The following TERB1 variants were observed in gnomAD, a reference collection of about 807,000 sequenced individuals.
The protein encoded by TERB1 is telomere repeat binding bouquet formation protein 1.
A neutral mutation model predicts 92.3 loss-of-function variants in TERB1; 63 were observed. The ratio of observed to expected loss-of-function variants is 0.68; its 90% confidence interval spans 0.56 to 0.84. The LOEUF is 0.84. Ranked by LOEUF, TERB1 falls within the 40% of genes least tolerant of loss-of-function variation. The pLI is 0.00. For missense variants in TERB1, 709 were observed against 843.7 expected (o/e 0.84, Z 1.98); for synonymous variants, 252 against 283.9 (o/e 0.89, Z 1.13).
At chr16:66,789,872 G>C (rs2018799274) in intron 5 of TERB1, among the ~76,000 whole-genome samples, 1 of 151,756 alleles carries the variant, frequency 6.6e-6, no homozygotes. Flanking sequence ...ACCATGCCTG[G>C]CTGATTATTT....
chr16:66,796,675 G>T, intron 3 of TERB1, 93 bp downstream of exon 3: 1 of 921,612 alleles, frequency 1.1e-6, no homozygotes. Flanking sequence ...ATGGCTGAAT[G>T]ATTCTTTCAT....
intron 6 of TERB1, 140 bp from the exon 7 acceptor site, chr16:66,786,425 G>C (rs914081944): frequency 1.5e-4 from 88 of 604,866 alleles, no homozygotes; most frequent in Non-Finnish European, 4.8e-5. Context: ...AATTACGGTG[G>C]ATAAAAATCT....
intron 16 of TERB1, among the ~76,000 whole-genome samples, chr16:66,764,694 G>C (rs949955627): frequency 9.2e-5 from 14 of 152,176 alleles, no homozygotes; most frequent in Admixed American, 8.5e-4. Context: ...TGATAGACTA[G>C]AAATAAGGGA....
At chr16:66,792,759 C>A (rs956511312) in intron 3 of TERB1, among the ~76,000 whole-genome samples, 1 of 152,056 alleles carries the variant, frequency 6.6e-6, no homozygotes, top group African/African-American at 2.4e-5. Flanking sequence ...AGGCTATAAA[C>A]CTACACAGCA....
chr16:66,772,607 A>G lies in TERB1; in HGVS notation c.1254T>C (p.Leu418=). The change falls in exon 13 of 19, where the codon CTT becomes CTC. Residue 418 remains leucine (L), a synonymous_variant. Coordinates refer to ENST00000433154, the MANE Select transcript of TERB1 (RefSeq NM_001136505.2). ...AKEILHRIEQ[L]EREGNEEEIQ... ...ATCCAACCTCATTTCCTTCTCTTTC[A>G]AGCTGTTCTATTCTGTGTAGAATTT... 1 of 1,546,134 alleles carries G rather than the reference A, an allele frequency of 6.5e-7. No individual in the cohort carries two copies. The highest frequency in any genetic ancestry group is 1.4e-5 in the African/African-American group (1 of 72,808).
chr16:66,765,937 T>C (rs1314406261), intron 16 of TERB1, among the ~76,000 whole-genome samples: 2 of 127,544 alleles, frequency 1.6e-5, no homozygotes, highest in African/African-American at 5.9e-5. Flanking sequence ...AGTGGCGCAA[T>C]CTCGGCTCAC....
intron 16 of TERB1, 90 bp from the exon 17 acceptor site, chr16:66,759,380 G>T: frequency 1.8e-6 from 2 of 1,093,118 alleles, no homozygotes; most frequent in Non-Finnish European, 1.3e-6. Context: ...GATGGTAACT[G>T]AAGTAAAATC....
intron 2 of TERB1, among the ~76,000 whole-genome samples, chr16:66,798,396 G>T (rs866309107): frequency 6.6e-6 from 1 of 152,002 alleles, no homozygotes; most frequent in Non-Finnish European, 1.5e-5. Flanking sequence ...TGCCCAGACT[G>T]GTCTTGAATT....
chr16:66,791,560 ACTT>A (rs930696629), intron 3 of TERB1, among the ~76,000 whole-genome samples: 1 of 152,154 alleles, frequency 6.6e-6, no homozygotes, highest in East Asian at 1.9e-4. Context: ...AAACTGATAA[ACTT>A]CTAGCCAGAT....
At chr16:66,786,381 A>C in intron 6 of TERB1, 96 bp from the exon 7 acceptor site, 1 of 854,824 alleles carries the variant, frequency 1.2e-6, no homozygotes. Context: ...AATAACTTTT[A>C]AACAACTTTA....
At chr16:66,797,488 C>T (rs1169635237) in intron 2 of TERB1, among the ~76,000 whole-genome samples, 1 of 151,944 alleles carries the variant, frequency 6.6e-6, no homozygotes, top group Non-Finnish European at 1.5e-5. Flanking sequence ...CCACACACCT[C>T]AGCCTCCCAA....
intron 18 of TERB1, among the ~76,000 whole-genome samples, chr16:66,757,741 T>C (rs1006566912): frequency 1.3e-5 from 2 of 152,208 alleles, no homozygotes; most frequent in African/African-American, 4.8e-5. Flanking sequence ...GCTCTATAGG[T>C]GTTACTAATT....
At chr16:66,771,446 C>T (rs951796735) in intron 13 of TERB1, among the ~76,000 whole-genome samples, 7 of 151,972 alleles carry the variant, frequency 4.6e-5, no homozygotes, top group African/African-American at 1.7e-4. Flanking sequence ...CTCCATTTAT[C>T]GATGATGAAA....
In TERB1 at chr16:66,770,153, A is replaced by G; in HGVS notation, c.1429T>C (p.Ser477Pro). The change falls in exon 14 of 19, where the codon TCC (serine) becomes CCC (proline). Residue 477 changes from serine to proline, a missense_variant. Coordinates refer to ENST00000433154, the MANE Select transcript of TERB1 (RefSeq NM_001136505.2). ...SHSRQLQSYK[S>P]HGVMSKACTN... ...CATGCTTTAGACATGACTCCATGGG[A>G]CTTATAACTCTGTAACTGTCTAGAA... 1.3e-6 allele frequency: 2 copies of G among 1,552,210 alleles called. No individual in the cohort carries two copies. The highest frequency in any genetic ancestry group is 1.7e-6 in the Non-Finnish European group (2 of 1,147,116).
intron 10 of TERB1, among the ~76,000 whole-genome samples, chr16:66,777,683 C>T (rs970308085): frequency 3.9e-5 from 6 of 152,172 alleles, no homozygotes; most frequent in African/African-American, 1.4e-4. Flanking sequence ...TATGCTTACT[C>T]TCCCCTTACA....
chr16:66,777,143 AC>A lies in TERB1; in HGVS notation c.985+59del, dbSNP rs1417846822. On this transcript the variant is annotated intron_variant, in intron 11 of 18. Transcript: ENST00000433154. Reference sequence around the variant, plus strand: ...TCACATAACTGGAAGAAAAAAAAAAACAGAAGTATATTTCCGCTTTACTATT... The same window carrying A: ...TCACATAACTGGAAGAAAAAAAAAAAAGAAGTATATTTCCGCTTTACTATT... The A allele has an allele frequency of 7.0e-6, 10 of 1,419,618 alleles. No individual in the cohort carries two copies. In the East Asian group the frequency reaches 7.5e-5, roughly 11 times the overall value. 87.9% of individuals were successfully genotyped at this position (1,419,618 alleles called of 1,614,324 possible). A position where few individuals can be genotyped will look rare whatever the true frequency, so the allele number is the denominator to read the frequency against.
intron 16 of TERB1, among the ~76,000 whole-genome samples, chr16:66,765,270 T>G (rs1462413158): frequency 6.6e-6 from 1 of 152,084 alleles, no homozygotes; most frequent in Non-Finnish European, 1.5e-5. Context: ...TGACCAGAGA[T>G]TCCCAAACTT....
intron 11 of TERB1, 94 bp downstream of exon 11, chr16:66,777,109 T>C: frequency 8.2e-7 from 1 of 1,218,376 alleles, no homozygotes; most frequent in Non-Finnish European, 1.1e-6. Flanking sequence ...AGCAATACTT[T>C]TAAGACCTTC....
rs1336872633 is a variant in TERB1, at chr16:66,755,002, T to C, written c.2158A>G (p.Lys720Glu). 9.0e-6 allele frequency: 14 copies of C among 1,551,016 alleles called. No individual in the cohort carries two copies. The highest frequency in any genetic ancestry group is 9.6e-6 in the Non-Finnish European group (11 of 1,146,874). The change falls in exon 19 of 19, where the codon AAA becomes GAA. Residue 720 changes from lysine to glutamate, a missense_variant. By Grantham distance (56) the Lys-to-Glu change is moderately conservative. Coordinates refer to ENST00000433154, the MANE Select transcript of TERB1 (RefSeq NM_001136505.2). ...CAAGAAGCTGCACACGTGGGGTGTTTGGTCAGCTTGTGGTATTTGTGAGCA... is the reference window on the plus strand; with the variant it reads ...CAAGAAGCTGCACACGTGGGGTGTTCGGTCAGCTTGTGGTATTTGTGAGCA... ...DLAHKYHKLT[K>E]HPTCAAS
Sources: allele counts gnomAD v4.1 joint callset (sites outside exome capture counted in the v4.1 genomes callset), GRCh38; gene constraint gnomAD v4.1.1; transcripts MANE v1.5; gene names NCBI Gene and HGNC (gene_info 2026-07-23, HGNC 2026-07-21).